Variants in COL4A5 observed in about 807,000 individuals in gnomAD.
The protein encoded by COL4A5 is collagen type IV alpha 5 chain.
A neutral mutation model predicts 130.2 loss-of-function variants in COL4A5; 26 were observed. The observed-to-expected ratio is 0.20, with a 90% confidence interval of 0.15 to 0.28. The LOEUF is 0.28. Among genes scored for constraint, COL4A5 ranks in the 10% least tolerant of loss-of-function variants. The pLI is 1.00. For missense variants in COL4A5, 1,131 were observed against 1,344.3 expected (o/e 0.84, Z 2.48); for synonymous variants, 496 against 439.6 (o/e 1.13, Z -1.60).
intron 49 of COL4A5, chrX:108,689,547 C>T: frequency 1.3e-6 from 1 of 754,296 alleles, no homozygotes; most frequent in Non-Finnish European, 1.6e-6. Flanking sequence ...GCCTCAGACA[C>T]AGGAAGGCCA....
intron 1 of COL4A5, among the ~76,000 whole-genome samples, chrX:108,516,231 C>T (rs1368285696): frequency 8.9e-6 from 1 of 112,284 alleles, no homozygotes; most frequent in African/African-American, 3.2e-5. Context: ...CATTTTTACA[C>T]TGGCATAGAG....
chrX:108,609,755 A>G (rs748247250), intron 29 of COL4A5, among the ~76,000 whole-genome samples: 21 of 111,011 alleles, frequency 1.9e-4, no homozygotes, highest in Non-Finnish European at 3.4e-4. Context: ...ATTTTTGTTC[A>G]GCATCATTTG....
chrX:108,526,655 T>G (rs1176495064), intron 1 of COL4A5, among the ~76,000 whole-genome samples: 1 of 64,723 alleles, frequency 1.5e-5, no homozygotes. Context: ...TTTCTTTCTT[T>G]CTTTCTTCTT....
At chrX:108,457,777 T>C (rs1371837132) in intron 1 of COL4A5, among the ~76,000 whole-genome samples, 1 of 112,151 alleles carries the variant, frequency 8.9e-6, no homozygotes, top group African/African-American at 3.2e-5. Flanking sequence ...ATCTATTTTC[T>C]GTTCCTATAA....
intron 2 of COL4A5, among the ~76,000 whole-genome samples, chrX:108,541,108 T>C (rs985360212): frequency 7.1e-5 from 8 of 112,240 alleles, no homozygotes; most frequent in Non-Finnish European, 1.3e-4. Context: ...AACCTATTTG[T>C]TTGTTTTGTA....
chrX:108,484,871 C>T (rs898169456), intron 1 of COL4A5, among the ~76,000 whole-genome samples: 1 of 112,691 alleles, frequency 8.9e-6, no homozygotes, highest in African/African-American at 3.2e-5. Context: ...GGCTTGTGTC[C>T]TTCCCTTCAG....
intron 29 of COL4A5, among the ~76,000 whole-genome samples, chrX:108,613,473 T>C (rs1432651343): frequency 9.0e-6 from 1 of 111,717 alleles, no homozygotes; most frequent in Non-Finnish European, 1.9e-5. Context: ...AAAAGAAAAA[T>C]TGGATATATT....
chrX:108,442,604 A>G (rs2064413366), intron 1 of COL4A5, among the ~76,000 whole-genome samples: 1 of 111,523 alleles, frequency 9.0e-6, no homozygotes, highest in Non-Finnish European at 1.9e-5. Context: ...TCTGTGCAGT[A>G]GATTGGATAT....
At chrX:108,610,299 T>C (rs985882744) in intron 29 of COL4A5, among the ~76,000 whole-genome samples, 2 of 111,551 alleles carry the variant, frequency 1.8e-5, no homozygotes, top group African/African-American at 6.5e-5. Context: ...GCCATGCTTC[T>C]GGAACATGTT....
At chrX:108,689,606 C>T in intron 49 of COL4A5, 1 of 753,977 alleles carries the variant, frequency 1.3e-6, no homozygotes, top group Non-Finnish European at 1.6e-6. Flanking sequence ...AGAGGCTCTG[C>T]TGGGGCTCAC....
At chrX:108,487,566 CAT>C (rs1235856957) in intron 1 of COL4A5, among the ~76,000 whole-genome samples, 10 of 110,363 alleles carry the variant, frequency 9.1e-5, no homozygotes, top group African/African-American at 3.0e-4. Context: ...ATCATTTTTT[CAT>C]ATGTTTGTTG....
At chrX:108,615,107 C>A in intron 30 of COL4A5, 83 bp downstream of exon 30, 2 of 691,023 alleles carry the variant, frequency 2.9e-6, no homozygotes, top group Non-Finnish European at 2.3e-6. Context: ...ACCTACAAAA[C>A]AGTCTTCCAG....
rs1041270628 is a variant in COL4A5 at position 108,587,021 on chromosome X, C to G, written c.1165+274C>G. On this transcript the variant is annotated intron_variant, in intron 19 of 52. Coordinates refer to ENST00000328300, the MANE Select transcript of COL4A5 (RefSeq NM_033380.3). ...CATAATTGTACATATTTATGGGATA[C>G]ATGTGATATTTTAATACATGAGTCC... Among the ~76,000 whole-genome samples the G allele has an allele frequency of 7.2e-5, 8 of 111,262 alleles. No homozygotes were observed. The Admixed American group carries it at 7.7e-4, about 11-fold the overall frequency.
At chrX:108,660,226 A>AT (rs2067926654) in intron 37 of COL4A5, among the ~76,000 whole-genome samples, 1 of 111,970 alleles carries the variant, frequency 8.9e-6, no homozygotes, top group African/African-American at 3.2e-5. Flanking sequence ...TAGGTAATAA[A>AT]TTTTACAATT....
At chrX:108,560,947 A>T (rs973780527) in intron 3 of COL4A5, among the ~76,000 whole-genome samples, 5 of 111,478 alleles carry the variant, frequency 4.5e-5, no homozygotes, top group Non-Finnish European at 7.5e-5. Context: ...CCAATGGCAG[A>T]TCATATGTCC....
At chrX:108,632,443 C>A (rs779712386) in intron 36 of COL4A5, among the ~76,000 whole-genome samples, 9 of 111,447 alleles carry the variant, frequency 8.1e-5, no homozygotes, top group African/African-American at 1.6e-4. Context: ...CTATTCCAAT[C>A]CATAGAAAAA....
chrX:108,644,263 A>T (rs1192179391), intron 36 of COL4A5, among the ~76,000 whole-genome samples: 4 of 112,135 alleles, frequency 3.6e-5, no homozygotes, highest in Non-Finnish European at 7.5e-5. Flanking sequence ...CTAAGAAATG[A>T]GATAGACAGC....
intron 1 of COL4A5, among the ~76,000 whole-genome samples, chrX:108,441,830 AC>A (rs1032010992): frequency 8.9e-6 from 1 of 111,987 alleles, no homozygotes; most frequent in Non-Finnish European, 1.9e-5. Flanking sequence ...ACAAATTTGC[AC>A]CAGATGACAA....
Position 108,591,520 on chromosome X carries a change from A to G in COL4A5, c.1340-41A>G, listed in dbSNP as rs767412043. 9.6e-6 allele frequency: 10 copies of G among 1,043,383 alleles called. No individual in the cohort carries two copies. The East Asian group carries it at 2.1e-4, about 22-fold the overall frequency. 86.0% of individuals were successfully genotyped at this position (1,043,383 alleles called of 1,213,427 possible). The stretch of plus-strand genomic sequence containing the variant: ...CTTTCTTTTGTTTAATCTTCTGGAT[A>G]TTTCACAATTAGCTTGCTATCCTTT... On this transcript the variant is annotated intron_variant, in intron 20 of 52. Coordinates refer to ENST00000328300, the MANE Select transcript of COL4A5 (RefSeq NM_033380.3).
Sources: allele counts gnomAD v4.1 joint callset (sites outside exome capture counted in the v4.1 genomes callset), GRCh38; gene constraint gnomAD v4.1.1; transcripts MANE v1.5; gene names NCBI Gene and HGNC (gene_info 2026-07-23, HGNC 2026-07-21).